MDFIC2: variants seen among roughly 807,000 people sequenced by gnomAD.
MDFIC2 encodes the protein myoD family inhibitor domain-containing protein 2.
At chr3:70,298,244 ATTCTGCCACTGGAGT>A (rs1464216757) in intron 2 of MDFIC2, among the ~76,000 whole-genome samples, 1 of 152,036 alleles carries the variant, frequency 6.6e-6, no homozygotes, top group Non-Finnish European at 1.5e-5. Flanking sequence ...ATCATAGTTG[ATTCTGCCACTGGAGT>A]TATTTTTTCC....
chr3:70,284,260 A>G (rs1455620572), intron 2 of MDFIC2, among the ~76,000 whole-genome samples: 1 of 152,222 alleles, frequency 6.6e-6, no homozygotes, highest in Non-Finnish European at 1.5e-5. Context: ...AGATAAGTGT[A>G]CTTGCTAATC....
intron 2 of MDFIC2, among the ~76,000 whole-genome samples, chr3:70,285,909 G>GT (rs1211429217): frequency 6.6e-6 from 1 of 151,146 alleles, no homozygotes; most frequent in East Asian, 2.0e-4. Context: ...GGGGTTGTTT[G>GT]TTTTTTTCTT....
chr3:70,274,086 T>C (rs1349194761), intron 2 of MDFIC2, among the ~76,000 whole-genome samples: 1 of 146,592 alleles, frequency 6.8e-6, no homozygotes, highest in East Asian at 2.0e-4. Flanking sequence ...TGTGTGTGTG[T>C]GTGTGCGCGC....
chr3:70,235,001 A>G (rs555055478), intron 2 of MDFIC2, among the ~76,000 whole-genome samples: 1 of 152,104 alleles, frequency 6.6e-6, no homozygotes, highest in Admixed American at 6.5e-5. Flanking sequence ...GATGATTCTA[A>G]TGTGTAGCCA....
chr3:70,226,464 G>A lies in MDFIC2; in HGVS notation c.89-19674C>T, dbSNP rs148526478. Reference sequence around the variant, plus strand: ...TAAAAATTAGTGTTCAAGGCTGGGCGCAGTGGCTCACGCCTGTAATCCCAA... The same window carrying A: ...TAAAAATTAGTGTTCAAGGCTGGGCACAGTGGCTCACGCCTGTAATCCCAA... On this transcript the variant is annotated intron_variant, in intron 2 of 3. Transcript: ENST00000567252. Among the ~76,000 whole-genome samples, 452 of 152,270 alleles carry A rather than the reference G, an allele frequency of 3.0e-3. 3 individuals are homozygous for A. The highest frequency in any genetic ancestry group is 0.01 in the African/African-American group (429 of 41,562).
intron 2 of MDFIC2, among the ~76,000 whole-genome samples, chr3:70,217,249 C>T (rs537835218): frequency 1.3e-5 from 2 of 152,178 alleles, no homozygotes; most frequent in South Asian, 2.1e-4. Flanking sequence ...GAATCATAAG[C>T]TAACAGTTCC....
At chr3:70,225,586 T>C (rs540171291) in intron 2 of MDFIC2, among the ~76,000 whole-genome samples, 7 of 151,444 alleles carry the variant, frequency 4.6e-5, no homozygotes, top group African/African-American at 1.7e-4. Flanking sequence ...AAAATCCTTT[T>C]CTCTGTAAAA....
intron 2 of MDFIC2, among the ~76,000 whole-genome samples, chr3:70,291,494 C>T (rs1234824984): frequency 6.6e-6 from 1 of 152,190 alleles, no homozygotes; most frequent in African/African-American, 2.4e-5. Context: ...CTACTTCTCA[C>T]ATTGTATTGT....
At chr3:70,240,064 A>G (rs1701651594) in intron 2 of MDFIC2, among the ~76,000 whole-genome samples, 2 of 152,260 alleles carry the variant, frequency 1.3e-5, no homozygotes, top group African/African-American at 4.8e-5. Flanking sequence ...TGCTCAATAC[A>G]TCAGTATGGA....
At chr3:70,276,435 T>C (rs1446196966) in intron 2 of MDFIC2, among the ~76,000 whole-genome samples, 1 of 152,222 alleles carries the variant, frequency 6.6e-6, no homozygotes, top group Non-Finnish European at 1.5e-5. Flanking sequence ...TAACAAATCT[T>C]TGCATATGCC....
intron 2 of MDFIC2, among the ~76,000 whole-genome samples, chr3:70,297,696 C>A (rs1702303205): frequency 6.6e-6 from 1 of 152,000 alleles, no homozygotes; most frequent in Admixed American, 6.6e-5. Context: ...CTTCCTTAAG[C>A]ATTTGTTTAT....
At chr3:70,246,122 G>T (rs1474797281) in intron 2 of MDFIC2, among the ~76,000 whole-genome samples, 2 of 151,828 alleles carry the variant, frequency 1.3e-5, no homozygotes, top group African/African-American at 2.4e-5. Context: ...ACAGATATAT[G>T]CAGATGCTTC....
At chr3:70,250,129 G>T (rs991232481) in intron 2 of MDFIC2, among the ~76,000 whole-genome samples, 3 of 152,060 alleles carry the variant, frequency 2.0e-5, no homozygotes, top group Non-Finnish European at 2.9e-5. Context: ...GGATTTTTTA[G>T]CCTGTTGCTA....
At position 70,293,091 on chromosome 3, in the gene MDFIC2, G is replaced by T. The variant is rs187125507; in HGVS notation, c.88+18795C>A. On this transcript the variant is annotated intron_variant, in intron 2 of 3. Transcript: ENST00000567252. ...AAAAAAGTAGCATATTACATGACGAGAAGAAAGAAAATTCAGTATTCACCA... is the reference window on the plus strand; with the variant it reads ...AAAAAAGTAGCATATTACATGACGATAAGAAAGAAAATTCAGTATTCACCA... 1.9e-3 allele frequency among the ~76,000 whole-genome samples: 259 copies of T among 134,916 alleles called. 1 individual carries two copies. Among genetic ancestry groups the T allele is most frequent in the African/African-American group, 6.8e-3 (249 of 36,754 alleles). The allele number at this position is 134,916 out of a possible 152,430, so 88.5% of individuals were successfully genotyped here. A position where few individuals can be genotyped will look rare whatever the true frequency, so the allele number is the denominator to read the frequency against.
At chr3:70,242,865 T>A (rs927828154) in intron 2 of MDFIC2, among the ~76,000 whole-genome samples, 1 of 152,022 alleles carries the variant, frequency 6.6e-6, no homozygotes, top group Admixed American at 6.6e-5. Flanking sequence ...AAAAAGCAAA[T>A]GTCTTGGCCA....
intron 2 of MDFIC2, among the ~76,000 whole-genome samples, chr3:70,231,157 A>G (rs1701556431): frequency 6.6e-6 from 1 of 152,190 alleles, no homozygotes; most frequent in African/African-American, 2.4e-5. Flanking sequence ...GAAAAATATT[A>G]TTGCCTGACA....
intron 2 of MDFIC2, chr3:70,249,198 T>C (rs1290840289): frequency 1.3e-5 from 2 of 152,172 alleles, no homozygotes; most frequent in Admixed American, 6.6e-5. Flanking sequence ...GATCTAGAGG[T>C]ATGAAGTGAA....
chr3:70,211,565 T>C (rs1426553668), intron 2 of MDFIC2, among the ~76,000 whole-genome samples: 1 of 26,522 alleles, frequency 3.8e-5, no homozygotes, highest in Non-Finnish European at 7.3e-5. Context: ...CCCTTTGCCC[T>C]TCCCTTCCCT....
At chr3:70,205,986 T>C (rs1701287307) in intron 3 of MDFIC2, 1 of 151,982 alleles carries the variant, frequency 6.6e-6, no homozygotes, top group African/African-American at 2.4e-5. Flanking sequence ...CAAAACAATT[T>C]GAAATTGGCT....
Sources: gnomAD v4.1 joint callset for allele counts (sites outside exome capture counted in the v4.1 genomes callset) on GRCh38, gnomAD v4.1.1 for gene constraint, MANE v1.5 for transcripts, NCBI Gene and HGNC (gene_info 2026-07-23, HGNC 2026-07-21) for gene names.